Variants in MIPOL1 observed in about 807,000 individuals in gnomAD.
MIPOL1 encodes the protein mirror-image polydactyly gene 1 protein.
In MIPOL1, 57 loss-of-function variants were observed where a neutral mutation model predicts 60.9. That is an observed-to-expected ratio of 0.94 (90% CI 0.76 to 1.17). The LOEUF (loss-of-function observed/expected upper bound fraction) is 1.17. Among genes scored for constraint, MIPOL1 ranks in the 50% most tolerant of loss-of-function variants. The pLI, the probability that MIPOL1 is intolerant of heterozygous loss-of-function variation, is 0.00. For synonymous variants in MIPOL1, 179 were observed against 168.8 expected, an observed-to-expected ratio of 1.06 and a Z score of -0.47; for missense variants, 551 against 511.6, an observed-to-expected ratio of 1.08 and a Z score of -0.74.
rs149005271 is a variant in MIPOL1, at chr14:37,209,575, G to T, written c.-199+11471G>T. Among the ~76,000 whole-genome samples, 1,338 of 152,240 alleles carry T rather than the reference G, an allele frequency of 8.8e-3. 14 individuals are homozygous for T. The highest frequency in any genetic ancestry group is 0.014 in the Non-Finnish European group (922 of 68,014). ...CTCAGTAGACTGAGGCAGGAGAATC[G>T]CTTGAACCCAGGAGGCGGAGGTTGC... On this transcript the variant is annotated intron_variant, in intron 1 of 12. Transcript: ENST00000684589.
At chr14:37,251,227 A>AT (rs1178447499) in intron 3 of MIPOL1, among the ~76,000 whole-genome samples, 4 of 151,774 alleles carry the variant, frequency 2.6e-5, no homozygotes, top group South Asian at 2.1e-4. Context: ...TATCTGGCTA[A>AT]TTTTTTTAAA....
At chr14:37,349,743 A>G (rs768346318) in intron 9 of MIPOL1, among the ~76,000 whole-genome samples, 30 of 152,212 alleles carry the variant, frequency 2.0e-4, no homozygotes, top group Non-Finnish European at 3.4e-4. Flanking sequence ...CATTCTATAT[A>G]TTTCATTTAC....
intron 10 of MIPOL1, among the ~76,000 whole-genome samples, chr14:37,413,199 G>A (rs191852165): frequency 7.9e-4 from 120 of 152,076 alleles, no homozygotes; most frequent in Non-Finnish European, 1.3e-3. Context: ...CTCTCAAGGA[G>A]CTCATAGTTT....
At chr14:37,390,598 G>A (rs2093210353) in intron 10 of MIPOL1, among the ~76,000 whole-genome samples, 1 of 151,956 alleles carries the variant, frequency 6.6e-6, no homozygotes, top group African/African-American at 2.4e-5. Flanking sequence ...TTATAAAATT[G>A]TAATCTCTAT....
chr14:37,326,631 TGTAGCCA>T (rs1442562753), intron 9 of MIPOL1, among the ~76,000 whole-genome samples: 1 of 152,228 alleles, frequency 6.6e-6, no homozygotes, highest in Non-Finnish European at 1.5e-5. Context: ...CAGCAGTGGC[TGTAGCCA>T]GGTCAACATT....
At chr14:37,204,110 C>A (rs977209615) in intron 1 of MIPOL1, among the ~76,000 whole-genome samples, 1 of 152,022 alleles carries the variant, frequency 6.6e-6, no homozygotes, top group African/African-American at 2.4e-5. Flanking sequence ...CTGCCAACGA[C>A]CACCGAGAGA....
At chr14:37,198,628 C>A (rs1466889431) in intron 1 of MIPOL1, among the ~76,000 whole-genome samples, 1 of 151,730 alleles carries the variant, frequency 6.6e-6, no homozygotes, top group Non-Finnish European at 1.5e-5. Context: ...CCTGGTGCAA[C>A]GTTTGGGAAG....
chr14:37,414,245 A>G (rs577967255), intron 10 of MIPOL1, among the ~76,000 whole-genome samples: 6 of 152,194 alleles, frequency 3.9e-5, no homozygotes, highest in Non-Finnish European at 8.8e-5. Context: ...GCCATCCATT[A>G]TCAATAGTCC....
At chr14:37,341,736 A>T (rs2090589777) in intron 9 of MIPOL1, among the ~76,000 whole-genome samples, 1 of 152,186 alleles carries the variant, frequency 6.6e-6, no homozygotes, top group Admixed American at 6.5e-5. Flanking sequence ...GTGAGCCAAC[A>T]TCTCTAGCCC....
intron 1 of MIPOL1, among the ~76,000 whole-genome samples, chr14:37,241,636 G>A (rs1348553696): frequency 6.6e-6 from 1 of 152,042 alleles, no homozygotes; most frequent in Admixed American, 6.6e-5. Context: ...TCAATGATGG[G>A]ATGTAATTAG....
At chr14:37,432,705 A>G (rs981838060) in intron 11 of MIPOL1, among the ~76,000 whole-genome samples, 1 of 152,192 alleles carries the variant, frequency 6.6e-6, no homozygotes, top group Non-Finnish European at 1.5e-5. Context: ...TTAAAAAAAA[A>G]ACTTAGGAAA....
chr14:37,257,643 A>G lies in MIPOL1; in HGVS notation c.20-9295A>G, dbSNP rs187214432. On this transcript the variant is annotated intron_variant, in intron 3 of 12. Transcript: ENST00000684589. Reference sequence around the variant, plus strand: ...TCCCACAGGAAATGGTCCATCTACCAACAGATTAAATGGCAGTCCTGCAGT... The same window carrying G: ...TCCCACAGGAAATGGTCCATCTACCGACAGATTAAATGGCAGTCCTGCAGT... Among the ~76,000 whole-genome samples, 30 of 152,260 alleles carry G rather than the reference A, an allele frequency of 2.0e-4. No individual in the cohort carries two copies. The East Asian group carries it at 3.1e-3, about 16-fold the overall frequency.
chr14:37,469,835 C>A (rs189990516), intron 11 of MIPOL1, among the ~76,000 whole-genome samples: 109 of 152,226 alleles, frequency 7.2e-4, no homozygotes, highest in Admixed American at 1.9e-3. Context: ...ATGGGATGAC[C>A]CTCACCAGAT....
At chr14:37,453,876 C>A (rs1442383439) in intron 11 of MIPOL1, among the ~76,000 whole-genome samples, 1 of 152,142 alleles carries the variant, frequency 6.6e-6, no homozygotes. Flanking sequence ...TTAGTGAAAA[C>A]CACACTGTCC....
In MIPOL1 at chr14:37,354,246, G is replaced by A. The variant is rs542895839; in HGVS notation, c.829-15271G>A. Among the ~76,000 whole-genome samples the A allele has an allele frequency of 1.6e-3, 246 of 151,288 alleles. 1 individual carries two copies. The highest frequency in any genetic ancestry group is 5.6e-3 in the African/African-American group (230 of 41,150). On this transcript the variant is annotated intron_variant, in intron 9 of 12. Coordinates refer to ENST00000684589, the MANE Select transcript of MIPOL1 (RefSeq NM_001388067.1). ...GTGTGATTCTTAATCCTGAGTTCTAGTTTGATTGCACTGTGGTCTGAGAGA... is the reference window on the plus strand; with the variant it reads ...GTGTGATTCTTAATCCTGAGTTCTAATTTGATTGCACTGTGGTCTGAGAGA...
At chr14:37,492,753 T>C (rs890511903) in intron 11 of MIPOL1, among the ~76,000 whole-genome samples, 2 of 152,134 alleles carry the variant, frequency 1.3e-5, no homozygotes, top group African/African-American at 4.8e-5. Context: ...TCTACACCAG[T>C]TTCAGCATTG....
intron 12 of MIPOL1, among the ~76,000 whole-genome samples, chr14:37,527,894 G>C: frequency 6.6e-6 from 1 of 151,760 alleles, no homozygotes; most frequent in East Asian, 1.9e-4. Context: ...TAGTTTTTGA[G>C]CTTAATTCTC....
chr14:37,438,325 T>C (rs1418822307), intron 11 of MIPOL1, among the ~76,000 whole-genome samples: 1 of 152,226 alleles, frequency 6.6e-6, no homozygotes, highest in East Asian at 1.9e-4. Flanking sequence ...GCTACGTTTG[T>C]AATTCCTTCT....
At chr14:37,278,312 A>G (rs1306409218) in intron 6 of MIPOL1, 1 of 151,686 alleles carries the variant, frequency 6.6e-6, no homozygotes. Flanking sequence ...TATTAAGGAA[A>G]TTAAAATATA....
Sources: allele counts gnomAD v4.1 joint callset (sites outside exome capture counted in the v4.1 genomes callset), GRCh38; gene constraint gnomAD v4.1.1; transcripts MANE v1.5; gene names NCBI Gene and HGNC (gene_info 2026-07-23, HGNC 2026-07-21).